OR52N4: variants seen among roughly 807,000 people sequenced by gnomAD.
OR52N4 encodes olfactory receptor family 52 subfamily N member 4, also known as olfactory receptor 52N4.
A neutral mutation model predicts 15.0 loss-of-function variants in OR52N4; 15 were observed. The ratio of observed to expected loss-of-function variants is 1.00; its 90% confidence interval spans 0.67 to 1.54. The LOEUF is 1.54. Among genes scored for constraint, OR52N4 ranks in the 40% most tolerant of loss-of-function variants. OR52N4 has a pLI of 0.00. For missense variants in OR52N4, 421 were observed against 394.0 expected (o/e 1.07, Z -0.58); for synonymous variants, 143 against 143.7 (o/e 1.00, Z 0.03).
the OR52N4 span, among the ~76,000 whole-genome samples, chr11:5,740,571 A>T: frequency 1.6e-5 from 2 of 126,332 alleles, 1 homozygote; most frequent in South Asian, 5.4e-4. Context: ...GTATTCTGGG[A>T]GGTTGAGGAA....
At chr11:5,727,049 T>C in the OR52N4 span, 3 of 138,072 alleles carry the variant, frequency 2.2e-5, no homozygotes, top group Admixed American at 2.3e-4. Flanking sequence ...GTACTGTACA[T>C]GGCTGTGGTG....
chr11:5,749,359 A>G (rs1351720176), upstream of OR52N4, among the ~76,000 whole-genome samples: 1 of 151,982 alleles, frequency 6.6e-6, no homozygotes. Flanking sequence ...CATAGTTGGA[A>G]GGAAGAAGCA....
At chr11:5,747,606 C>CA in the OR52N4 span, among the ~76,000 whole-genome samples, 16 of 151,812 alleles carry the variant, frequency 1.1e-4, no homozygotes, top group African/African-American at 3.4e-4. Context: ...AAAAGGAACA[C>CA]AAAAAATCGG....
upstream of OR52N4, among the ~76,000 whole-genome samples, chr11:5,751,391 C>A (rs1355766468): frequency 6.6e-6 from 1 of 151,612 alleles, no homozygotes; most frequent in Non-Finnish European, 1.5e-5. Flanking sequence ...TGTTTCTCTA[C>A]TTTATGAGAG....
rs368392235 is a variant in OR52N4 at position 5,755,558 on chromosome 11, C to A, written c.818C>A (p.Pro273His). The A allele has an allele frequency of 6.2e-7, 1 of 1,613,808 alleles. No homozygotes were observed. The highest frequency in any genetic ancestry group is 8.5e-7 in the Non-Finnish European group (1 of 1,179,848). Reference protein sequence around the residue: ...SHRFGEHIIPPSCHIIVANIY... With the variant: ...SHRFGEHIIPHSCHIIVANIY... ...CGCTTTGGGGAACACATAATCCCCC[C>A]TTCTTGCCACATCATTGTAGCCAAT... The change falls in exon 2 of 2, where the codon CCT (proline) becomes CAT (histidine). Residue 273 changes from proline to histidine, a missense_variant. Transcript: ENST00000641350.
At chr11:5,730,517 C>T in the OR52N4 span, among the ~76,000 whole-genome samples, 1 of 151,974 alleles carries the variant, frequency 6.6e-6, no homozygotes, top group African/African-American at 2.4e-5. Context: ...AACAGAACTA[C>T]CTTAAATTGT....
chr11:5,744,209 G>A, the OR52N4 span, among the ~76,000 whole-genome samples: 1 of 152,096 alleles, frequency 6.6e-6, no homozygotes, highest in Non-Finnish European at 1.5e-5. Context: ...ATAACAAGTA[G>A]TGCAACTGAA....
the OR52N4 span, among the ~76,000 whole-genome samples, chr11:5,744,813 TGA>T: frequency 6.6e-6 from 1 of 152,096 alleles, no homozygotes; most frequent in Non-Finnish European, 1.5e-5. Flanking sequence ...CTAGGGGAGC[TGA>T]GAGAGGAGGA....
the OR52N4 span, among the ~76,000 whole-genome samples, chr11:5,729,326 TAGCC>T: frequency 4.1e-4 from 62 of 151,894 alleles, no homozygotes; most frequent in African/African-American, 1.1e-3. Context: ...TTCACCGTGT[TAGCC>T]AGGATGGTCT....
At chr11:5,731,662 A>G in the OR52N4 span, among the ~76,000 whole-genome samples, 1 of 152,172 alleles carries the variant, frequency 6.6e-6, no homozygotes, top group African/African-American at 2.4e-5. Context: ...TTCTAAGGTT[A>G]ATTGACAGGT....
At chr11:5,747,298 C>G in the OR52N4 span, among the ~76,000 whole-genome samples, 2 of 151,326 alleles carry the variant, frequency 1.3e-5, no homozygotes, top group African/African-American at 4.9e-5. Flanking sequence ...GACAGACCTC[C>G]TATCTAAAAA....
At chr11:5,726,619 C>A in the OR52N4 span, 1 of 152,248 alleles carries the variant, frequency 6.6e-6, no homozygotes, top group Non-Finnish European at 1.5e-5. Context: ...TAGGCACAGC[C>A]ACAATTGTGG....
intron 1 of OR52N4, 49 bp from the exon 2 acceptor site, chr11:5,754,644 G>A (rs549040408): frequency 7.7e-7 from 1 of 1,294,896 alleles, no homozygotes; most frequent in Non-Finnish European, 1.0e-6. Flanking sequence ...GGGAGAGGGA[G>A]ACAGTAAAAA....
At chr11:5,728,031 A>C in the OR52N4 span, among the ~76,000 whole-genome samples, 1 of 152,338 alleles carries the variant, frequency 6.6e-6, no homozygotes, top group East Asian at 1.9e-4. Context: ...GAAAACTAGA[A>C]TCCTTTAGGA....
At chr11:5,732,961 C>A in the OR52N4 span, among the ~76,000 whole-genome samples, 1 of 152,074 alleles carries the variant, frequency 6.6e-6, no homozygotes, top group Non-Finnish European at 1.5e-5. Context: ...GTATGAGAAA[C>A]TTAGAGTTAT....
chr11:5,746,573 A>C, the OR52N4 span, among the ~76,000 whole-genome samples: 1 of 152,192 alleles, frequency 6.6e-6, no homozygotes, highest in East Asian at 1.9e-4. Context: ...AATATTGCTT[A>C]TCATCAGAGA....
chr11:5,741,700 A>G, the OR52N4 span, among the ~76,000 whole-genome samples: 2 of 152,152 alleles, frequency 1.3e-5, no homozygotes, highest in Admixed American at 6.5e-5. Flanking sequence ...AAAGAGCTGG[A>G]TTGTCTAGTA....
the OR52N4 span, among the ~76,000 whole-genome samples, chr11:5,738,857 C>CTGA: frequency 3.3e-3 from 440 of 132,024 alleles, 38 homozygotes; most frequent in East Asian, 6.9e-3. Context: ...AGGCTACTTT[C>CTGA]CATTAAACAC....
At chr11:5,746,740 T>G in the OR52N4 span, among the ~76,000 whole-genome samples, 1 of 152,040 alleles carries the variant, frequency 6.6e-6, no homozygotes, top group Non-Finnish European at 1.5e-5. Context: ...GTATGGAGAT[T>G]TTTCAAATAA....
Sources: gnomAD v4.1 joint callset for allele counts (sites outside exome capture counted in the v4.1 genomes callset) on GRCh38, gnomAD v4.1.1 for gene constraint, MANE v1.5 for transcripts, NCBI Gene and HGNC (gene_info 2026-07-23, HGNC 2026-07-21) for gene names.